Variants in PDSS2 observed in about 807,000 individuals in gnomAD.
PDSS2 encodes the protein all trans-polyprenyl-diphosphate synthase PDSS2.
Under a neutral mutation model 44.5 loss-of-function variants are expected in PDSS2, and 31 were observed. That is an observed-to-expected ratio of 0.70 (90% CI 0.52 to 0.94). The LOEUF (loss-of-function observed/expected upper bound fraction) is 0.94. PDSS2 is among the 40% of genes least tolerant of loss of function. The pLI is 0.00. For synonymous variants in PDSS2, 157 were observed against 180.3 expected, an observed-to-expected ratio of 0.87 and a Z score of 1.03; for missense variants, 452 against 482.2, an observed-to-expected ratio of 0.94 and a Z score of 0.59.
At chr6:107,365,417 T>G (rs2114331478) in intron 1 of PDSS2, among the ~76,000 whole-genome samples, 1 of 152,060 alleles carries the variant, frequency 6.6e-6, no homozygotes, top group East Asian at 1.9e-4. Flanking sequence ...AATATTTTCA[T>G]TTAATACAAA....
At chr6:107,166,659 C>T (rs140372413) in intron 7 of PDSS2, among the ~76,000 whole-genome samples, 16 of 152,278 alleles carry the variant, frequency 1.1e-4, no homozygotes, top group East Asian at 5.8e-4. Context: ...CCACCATGCC[C>T]GGCCTTTATT....
chr6:107,167,101 T>C (rs1554247659), intron 7 of PDSS2, among the ~76,000 whole-genome samples: 1 of 152,236 alleles, frequency 6.6e-6, no homozygotes, highest in Non-Finnish European at 1.5e-5. Context: ...TGAATCCATC[T>C]GGTCCTGGAC....
intron 2 of PDSS2, among the ~76,000 whole-genome samples, chr6:107,321,515 G>A (rs925239435): frequency 1.3e-5 from 2 of 152,222 alleles, no homozygotes; most frequent in African/African-American, 4.8e-5. Context: ...TTCCCGGAGT[G>A]TCCAAATCCT....
chr6:107,280,167 C>A (rs1775914465), intron 2 of PDSS2, among the ~76,000 whole-genome samples: 1 of 152,240 alleles, frequency 6.6e-6, no homozygotes, highest in East Asian at 1.9e-4. Flanking sequence ...TCAAGCAATT[C>A]TCATGCGTCA....
intron 2 of PDSS2, among the ~76,000 whole-genome samples, chr6:107,295,930 T>C (rs933493968): frequency 6.6e-6 from 1 of 152,190 alleles, no homozygotes; most frequent in Non-Finnish European, 1.5e-5. Context: ...ACCATCATCC[T>C]GTGGGAAGAT....
At chr6:107,435,284 ACACAC>A (rs1781315774) in intron 1 of PDSS2, among the ~76,000 whole-genome samples, 1 of 968 alleles carries the variant, frequency 1.0e-3, no homozygotes, top group Non-Finnish European at 1.8e-3. Flanking sequence ...GCCTCAAAAC[ACACAC>A]ACACACACAC....
At chr6:107,220,737 A>T (rs1773574745) in intron 4 of PDSS2, among the ~76,000 whole-genome samples, 1 of 152,202 alleles carries the variant, frequency 6.6e-6, no homozygotes, top group Non-Finnish European at 1.5e-5. Flanking sequence ...ATTAATTTAT[A>T]GTCCCCTGAA....
At chr6:107,328,148 T>A (rs921675076) in intron 2 of PDSS2, among the ~76,000 whole-genome samples, 4 of 152,214 alleles carry the variant, frequency 2.6e-5, no homozygotes, top group Non-Finnish European at 5.9e-5. Context: ...GACTGGGGTC[T>A]GGAATGGCAA....
intron 1 of PDSS2, among the ~76,000 whole-genome samples, chr6:107,454,792 A>G (rs551206338): frequency 6.6e-6 from 1 of 151,882 alleles, no homozygotes; most frequent in East Asian, 2.0e-4. Context: ...CCTCAAAAAA[A>G]TAAAAATAAA....
chr6:107,290,117 C>A (rs1183688102), intron 2 of PDSS2, among the ~76,000 whole-genome samples: 1 of 152,166 alleles, frequency 6.6e-6, no homozygotes, highest in Non-Finnish European at 1.5e-5. Context: ...ATGAGGACAC[C>A]TATTCTGTTA....
intron 4 of PDSS2, among the ~76,000 whole-genome samples, chr6:107,222,934 T>G (rs888565981): frequency 1.3e-5 from 2 of 151,736 alleles, no homozygotes; most frequent in African/African-American, 4.8e-5. Flanking sequence ...AGTGACACCC[T>G]GTCTCTACAA....
chr6:107,364,071 TCA>T (rs1778878098), intron 1 of PDSS2, among the ~76,000 whole-genome samples: 3 of 152,208 alleles, frequency 2.0e-5, no homozygotes, highest in Admixed American at 2.0e-4. Context: ...ACTGGTGCAC[TCA>T]CAAACCTTGA....
intron 1 of PDSS2, among the ~76,000 whole-genome samples, chr6:107,404,876 T>C (rs1780260924): frequency 6.6e-6 from 1 of 152,164 alleles, no homozygotes; most frequent in Non-Finnish European, 1.5e-5. Flanking sequence ...AAATAATTCA[T>C]GAAAACTTCC....
chr6:107,452,749 C>G (rs944340091), intron 1 of PDSS2, among the ~76,000 whole-genome samples: 2 of 152,020 alleles, frequency 1.3e-5, no homozygotes, highest in Admixed American at 1.3e-4. Flanking sequence ...TCACTGCAAC[C>G]TCCGCCTCCC....
intron 1 of PDSS2, among the ~76,000 whole-genome samples, chr6:107,350,954 T>A (rs1371073591): frequency 6.6e-6 from 1 of 152,152 alleles, no homozygotes; most frequent in African/African-American, 2.4e-5. Context: ...AATGGTGGCT[T>A]TTAAAAAGAT....
intron 2 of PDSS2, among the ~76,000 whole-genome samples, chr6:107,288,755 T>C (rs1054123338): frequency 2.1e-5 from 2 of 94,180 alleles, no homozygotes; most frequent in Admixed American, 2.5e-4. Context: ...ACGAAATTGT[T>C]TTTTTTTTTT....
At chr6:107,248,698 T>A (rs1420233665) in intron 3 of PDSS2, among the ~76,000 whole-genome samples, 1 of 152,210 alleles carries the variant, frequency 6.6e-6, no homozygotes, top group African/African-American at 2.4e-5. Flanking sequence ...CCTTAAGGCC[T>A]CTTCCAGCCC....
intron 2 of PDSS2, among the ~76,000 whole-genome samples, chr6:107,298,667 G>A (rs1346960281): frequency 6.6e-6 from 1 of 152,068 alleles, no homozygotes. Flanking sequence ...GTATATATAG[G>A]CATATGTGTT....
At chr6:107,410,925 C>A (rs151139126) in intron 1 of PDSS2, among the ~76,000 whole-genome samples, 3 of 151,908 alleles carry the variant, frequency 2.0e-5, no homozygotes, top group African/African-American at 7.3e-5. Context: ...TCTTATGCCG[C>A]CCAGGCTGGA....
Sources: gnomAD v4.1 joint callset for allele counts (sites outside exome capture counted in the v4.1 genomes callset) on GRCh38, gnomAD v4.1.1 for gene constraint, MANE v1.5 for transcripts, NCBI Gene and HGNC (gene_info 2026-07-23, HGNC 2026-07-21) for gene names.